Variants in CARNS1 observed in about 807,000 individuals in gnomAD.
CARNS1 encodes the protein carnosine synthase 1, also known as ATP-grasp domain containing 1.
CARNS1 carries 61 observed loss-of-function variants against 74.0 expected under a neutral mutation model. The ratio of observed to expected loss-of-function variants is 0.82; its 90% CI spans 0.67 to 1.02. The LOEUF (loss-of-function observed/expected upper bound fraction) is 1.02. Among genes scored for constraint, CARNS1 ranks in the 50% least tolerant of loss-of-function variants. The pLI is 0.00. For synonymous variants in CARNS1, 568 were observed against 605.5 expected, an observed-to-expected ratio of 0.94 and a Z score of 0.91; for missense variants, 1,278 against 1,308.4, an observed-to-expected ratio of 0.98 and a Z score of 0.36.
rs1863688589 is a variant in CARNS1 at position 67,421,152 on chromosome 11, TGGTGGTCGGCGCTGGC to T, written c.1562_1577del (p.Val521AlafsTer41). ...TGCCTCATGGAGGGAAAACAGCTGCTGGTGGTCGGCGCTGGCGGCGTCAGCAAGAAGTTCGTGTGGG... is the reference window on the plus strand; with the variant it reads ...TGCCTCATGGAGGGAAAACAGCTGCTGGCGTCAGCAAGAAGTTCGTGTGGG... On this transcript the variant is annotated frameshift_variant, in exon 9 of 10. Coordinates refer to ENST00000687366, the MANE Select transcript of CARNS1 (RefSeq NM_001166222.2). LOFTEE classifies it high-confidence loss of function. 6.7e-7 allele frequency: 1 copy of T among 1,492,546 alleles called. No individual in the cohort carries two copies. Among genetic ancestry groups the T allele is most frequent in the Non-Finnish European group, 8.9e-7 (1 of 1,127,498 alleles). 92.5% of individuals were successfully genotyped at this position (1,492,546 alleles called of 1,614,324 possible).
At chr11:67,416,493 C>A in intron 2 of CARNS1, 2 of 1,291,796 alleles carry the variant, frequency 1.5e-6, no homozygotes, top group South Asian at 3.4e-5. Context: ...AGGCATGAGG[C>A]CCAGTCCTCT....
rs776913935 is a variant in CARNS1 at position 67,423,679 on chromosome 11, C to T, written c.1931C>T (p.Ala644Val). 25 of 1,594,984 alleles carry T rather than the reference C, an allele frequency of 1.6e-5. No homozygotes were observed. The highest frequency in any genetic ancestry group is 4.0e-5 in the African/African-American group (3 of 74,680). The change falls in exon 10 of 10, where the codon GCG (alanine) becomes GTG (valine). Residue 644 changes from alanine (A) to valine (V), a missense_variant. This residue lies in a region of CARNS1 where 1,164 missense variants were observed against 1,156.5 expected (regional missense o/e 1.01). Coordinates refer to ENST00000687366, the MANE Select transcript of CARNS1 (RefSeq NM_001166222.2). This position sits in a 1 kb window ranked among gnomAD's most constrained non-coding sequence, Gnocchi z 5.1. ...LLHHHGPPWP[A>V]PSLHAVPCCP... Reference sequence around the variant, plus strand: ...CACCACCATGGCCCACCCTGGCCTGCGCCCTCCCTCCATGCTGTGCCCTGC... The same window carrying T: ...CACCACCATGGCCCACCCTGGCCTGTGCCCTCCCTCCATGCTGTGCCCTGC...
Position 67,419,952 on chromosome 11 carries a change from T to C in CARNS1, c.1113+114T>C. On this transcript the variant is annotated intron_variant, in intron 7 of 9. Transcript: ENST00000687366. ...CTCTGGGCAGAGAGGACAAAATCCTTAGGGGGGTCGTAGTTGCCTCTGGGG... is the reference window on the plus strand; with the variant it reads ...CTCTGGGCAGAGAGGACAAAATCCTCAGGGGGGTCGTAGTTGCCTCTGGGG... The C allele has an allele frequency of 3.8e-6, 4 of 1,054,860 alleles. No homozygotes were observed. In the South Asian group the frequency reaches 4.3e-5, roughly 11 times the overall value. 65.3% of individuals were successfully genotyped at this position (1,054,860 alleles called of 1,614,324 possible). A position where few individuals can be genotyped will look rare whatever the true frequency, so the allele number is the denominator to read the frequency against.
Position 67,423,614 on chromosome 11 carries a change from C to A in CARNS1, c.1866C>A (p.Arg622=). Residue 622 remains arginine (R), a synonymous_variant, in exon 10 of 10, where the codon CGC becomes CGA. Coordinates refer to ENST00000687366, the MANE Select transcript of CARNS1 (RefSeq NM_001166222.2). The surrounding 1 kb of genome is among the most constrained non-coding windows in gnomAD (Gnocchi z 5.1). ...CCTGCAGCTCCCCAGCTGCCATGCG[C>A]CTGGCTAAGCAGAAGAGCCTCACCC... is the stretch of plus-strand genomic sequence containing the variant. The part of the protein sequence containing the change: ...GLPCSSPAAM[R]LAKQKSLTQL... 6.2e-7 allele frequency: 1 copy of A among 1,609,934 alleles called. No homozygotes were observed. The highest frequency in any genetic ancestry group is 8.5e-7 in the Non-Finnish European group (1 of 1,178,612).
Position 67,425,126 on chromosome 11 carries a change from G to T in CARNS1, c.*525G>T. 2.2e-6 allele frequency: 1 copy of T among 455,506 alleles called. No individual in the cohort carries two copies. Among genetic ancestry groups the T allele is most frequent in the Non-Finnish European group, 4.4e-6 (1 of 226,602 alleles). The allele number at this position is 455,506 out of a possible 1,614,324, so 28.2% of individuals were successfully genotyped here. On this transcript the variant is annotated 3_prime_UTR_variant, in exon 10 of 10. Transcript: ENST00000687366. ...TGGTGGCATCCAACCTGCCTCATTC[G>T]GCCTGACCGGTAGAGGCAGGTGGCC...
At chr11:67,422,171 C>CTT (rs35293042) in intron 9 of CARNS1, among the ~76,000 whole-genome samples, 1,147 of 72,762 alleles carry the variant, frequency 0.016, 219 homozygotes, top group African/African-American at 0.035. Context: ...CGCGCCCGGC[C>CTT]TTTTTTTTTT....
In CARNS1 at chr11:67,418,909, CCTA is replaced by C; in HGVS notation, c.521_523del (p.Tyr174del). The C allele has an allele frequency of 1.3e-6, 2 of 1,593,324 alleles. No individual in the cohort carries two copies. The highest frequency in any genetic ancestry group is 1.7e-6 in the Non-Finnish European group (2 of 1,169,818). ...GACTTTGTCCCCCCGCGCCGTGCCA[CCTA>C]CTTTTTGGCAGGCCTGGGCCTGGGG... On this transcript the variant is annotated inframe_deletion, in exon 5 of 10. Transcript: ENST00000687366.
At chr11:67,421,316 G>C in intron 9 of CARNS1, 97 bp downstream of exon 9, 1 of 1,275,648 alleles carries the variant, frequency 7.8e-7, no homozygotes, top group Non-Finnish European at 1.0e-6. Context: ...GGCGTCCTTG[G>C]GGCGGGACCA....
chr11:67,425,472 CATTGGCAGAG>C lies in CARNS1; in HGVS notation c.*872_*881del. ...TTTGGCCTCTGGCACACCTAACTAG[CATTGGCAGAG>C]GAGAGTCTACACTCTCTTCCTCATT... On this transcript the variant is annotated 3_prime_UTR_variant, in exon 10 of 10. Coordinates refer to ENST00000687366, the MANE Select transcript of CARNS1 (RefSeq NM_001166222.2). 4.0e-5 allele frequency: 8 copies of C among 198,138 alleles called. No individual in the cohort carries two copies. The highest frequency in any genetic ancestry group is 9.3e-5 in the South Asian group (1 of 10,804). The allele number at this position is 198,138 out of a possible 1,614,324, so 12.3% of individuals were successfully genotyped here.
intron 2 of CARNS1, chr11:67,416,913 G>A (rs1863558232): frequency 1.0e-6 from 1 of 987,200 alleles, no homozygotes; most frequent in Admixed American, 6.1e-5. Context: ...GGATGACAGT[G>A]GAATCACATT....
intron 3 of CARNS1, among the ~76,000 whole-genome samples, chr11:67,418,146 A>C (rs573555739): frequency 6.6e-6 from 1 of 152,314 alleles, no homozygotes; most frequent in South Asian, 2.1e-4. Flanking sequence ...GCTTGGAGGA[A>C]CACTGACTCC....
Position 67,425,362 on chromosome 11 carries a change from C to T in CARNS1, c.*761C>T. 1 of 304,744 alleles carries T rather than the reference C, an allele frequency of 3.3e-6. No homozygotes were observed. The highest frequency in any genetic ancestry group is 2.9e-5 in the South Asian group (1 of 34,006). 18.9% of individuals were successfully genotyped at this position (304,744 alleles called of 1,614,324 possible). ...TTCAGCTTCTAGGCCCCCCTCACCT[C>T]CCTGCCCTCATTCACAAGTGGCCCT... On this transcript the variant is annotated 3_prime_UTR_variant, in exon 10 of 10. Coordinates refer to ENST00000687366, the MANE Select transcript of CARNS1 (RefSeq NM_001166222.2).
intron 2 of CARNS1, 184 bp from the exon 3 acceptor site, chr11:67,417,223 C>T (rs950680216): frequency 8.1e-7 from 1 of 1,233,144 alleles, no homozygotes; most frequent in Non-Finnish European, 1.0e-6. Context: ...ACAAAGCACT[C>T]CCACGGTTGC....
Position 67,424,448 on chromosome 11 carries a change from G to A in CARNS1, c.2700G>A (p.Leu900=), listed in dbSNP as rs1403456204. 9 of 1,588,892 alleles carry A rather than the reference G, an allele frequency of 5.7e-6. No individual in the cohort carries two copies. The highest frequency in any genetic ancestry group is 6.0e-6 in the Non-Finnish European group (7 of 1,168,838). ...LLRLNLLEEA[L]VPGEYEEPYC... ...GCCTCAATCTGCTGGAGGAGGCCCTGGTGCCTGGCGAGTATGAGGAGCCCT... is the reference window on the plus strand; with the variant it reads ...GCCTCAATCTGCTGGAGGAGGCCCTAGTGCCTGGCGAGTATGAGGAGCCCT... The change falls in exon 10 of 10, where the codon CTG becomes CTA. Residue 900 remains leucine, a synonymous_variant. Coordinates refer to ENST00000687366, the MANE Select transcript of CARNS1 (RefSeq NM_001166222.2).
At chr11:67,419,976 GGA>G in intron 7 of CARNS1, 138 bp downstream of exon 7, 1 of 811,014 alleles carries the variant, frequency 1.2e-6, no homozygotes, top group Non-Finnish European at 2.0e-6. Flanking sequence ...TTGCCTCTGG[GGA>G]AACTACTGGG....
At position 67,423,377 on chromosome 11, in the gene CARNS1, G is replaced by A; in HGVS notation, c.1629G>A (p.Leu543=). The change falls in exon 10 of 10, where the codon CTG becomes CTA. Residue 543 remains leucine, a splice_region_variant and synonymous_variant. Transcript: ENST00000687366. This position sits in a 1 kb window ranked among gnomAD's most constrained non-coding sequence, Gnocchi z 5.1. ...WEAARDYGLQ[L]HLVESDPNHF... ...GCCCCACCCTGTGGCTTCTGCAGCT[G>A]CACCTCGTGGAGTCAGACCCCAACC... The A allele has an allele frequency of 6.3e-7, 1 of 1,598,028 alleles. No homozygotes were observed. Among genetic ancestry groups the A allele is most frequent in the Non-Finnish European group, 8.6e-7 (1 of 1,169,370 alleles).
At chr11:67,418,709 G>GGGCATCA (rs1386522722) in intron 4 of CARNS1, 47 bp from the exon 5 acceptor site, 4 of 1,510,674 alleles carry the variant, frequency 2.6e-6, no homozygotes, top group Non-Finnish European at 3.6e-6. Flanking sequence ...CCCGGGCATA[G>GGGCATCA]GGCATCAAGC....
Position 67,420,463 on chromosome 11 carries a change from C to T in CARNS1, c.1114-146C>T, listed in dbSNP as rs1016988878. 9.1e-6 allele frequency: 4 copies of T among 438,382 alleles called. No individual in the cohort carries two copies. The Admixed American group carries it at 1.3e-4, about 15-fold the overall frequency. The allele number at this position is 438,382 out of a possible 1,614,324, so 27.2% of individuals were successfully genotyped here. On this transcript the variant is annotated intron_variant, in intron 7 of 9. Coordinates refer to ENST00000687366, the MANE Select transcript of CARNS1 (RefSeq NM_001166222.2). ...ACCAGATGGGGAGTGGCAGGGAGAGCTCGTGTGCAATTTAAGACACGTTGG... is the reference window on the plus strand; with the variant it reads ...ACCAGATGGGGAGTGGCAGGGAGAGTTCGTGTGCAATTTAAGACACGTTGG...
intron 9 of CARNS1, among the ~76,000 whole-genome samples, chr11:67,422,090 T>A (rs1236097968): frequency 6.6e-6 from 1 of 150,618 alleles, no homozygotes; most frequent in Non-Finnish European, 1.5e-5. Flanking sequence ...GCCAGGATGG[T>A]CTCGATCTCC....
Sources: allele counts gnomAD v4.1 joint callset (sites outside exome capture counted in the v4.1 genomes callset), GRCh38; gene constraint gnomAD v4.1.1; regional missense constraint gnomAD v4.1.1; non-coding constraint Gnocchi (gnomAD v3.1); transcripts MANE v1.5; gene names NCBI Gene and HGNC (gene_info 2026-07-23, HGNC 2026-07-21).